Variants in NTN1 observed in about 807,000 individuals in gnomAD.
The protein encoded by NTN1 is netrin-1.
Under a neutral mutation model 54.2 loss-of-function variants are expected in NTN1, and 11 were observed. That is an observed-to-expected ratio of 0.20 (90% CI 0.13 to 0.34). The LOEUF is 0.34. Among genes scored for constraint, NTN1 ranks in the 10% least tolerant of loss-of-function variants. The pLI is 1.00. For synonymous variants in NTN1, 371 were observed against 382.0 expected, an observed-to-expected ratio of 0.97 and a Z score of 0.33; for missense variants, 740 against 893.1, an observed-to-expected ratio of 0.83 and a Z score of 2.18.
chr17:9,083,068 C>T (rs1352507354), intron 2 of NTN1, among the ~76,000 whole-genome samples: 1 of 151,850 alleles, frequency 6.6e-6, no homozygotes, highest in Non-Finnish European at 1.5e-5. Context: ...CGTGTTCTGC[C>T]ATTGGCCTTG....
At chr17:9,026,785 A>G (rs2091872653) in intron 2 of NTN1, among the ~76,000 whole-genome samples, 1 of 152,016 alleles carries the variant, frequency 6.6e-6, no homozygotes, top group African/African-American at 2.4e-5. Context: ...ATGACGAAGC[A>G]TGCTGTTTAA....
intron 2 of NTN1, among the ~76,000 whole-genome samples, chr17:9,096,366 C>CCTTT (rs55880198): frequency 0.068 from 6,134 of 90,856 alleles, 1,058 homozygotes; most frequent in Non-Finnish European, 0.1. Flanking sequence ...TATGGGTAGA[C>CCTTT]TTTTTTTTTT....
At chr17:9,093,010 G>A (rs1327952483) in intron 2 of NTN1, among the ~76,000 whole-genome samples, 35 of 152,074 alleles carry the variant, frequency 2.3e-4, no homozygotes, top group Non-Finnish European at 4.4e-5. Context: ...CGCCCGCCTC[G>A]GCCTCCCAAA....
chr17:9,022,714 C>T lies in NTN1; in HGVS notation c.341C>T (p.Pro114Leu), dbSNP rs777691583. ...PPAFLTDLNNPHNLTCWQSEN... is the reference protein window; with the variant it reads ...PPAFLTDLNNLHNLTCWQSEN... ...GCCTTCCTCACCGACCTCAACAACCCGCACAACCTGACGTGCTGGCAGTCC... is the reference window on the plus strand; with the variant it reads ...GCCTTCCTCACCGACCTCAACAACCTGCACAACCTGACGTGCTGGCAGTCC... Residue 114 changes from proline to leucine, a missense_variant, in exon 2 of 7, where the codon CCG becomes CTG. Physicochemically the swap from Pro to Leu is moderately conservative, Grantham distance 98 (BLOSUM62 -3). Transcript: ENST00000173229. 2 of 1,603,238 alleles carry T rather than the reference C, an allele frequency of 1.2e-6. No homozygotes were observed. Among genetic ancestry groups the T allele is most frequent in the Admixed American group, 1.7e-5 (1 of 59,032 alleles).
chr17:9,024,492 G>A (rs2091863785), intron 2 of NTN1, among the ~76,000 whole-genome samples: 1 of 152,198 alleles, frequency 6.6e-6, no homozygotes, highest in African/African-American at 2.4e-5. Flanking sequence ...GCCAGTGTGA[G>A]GCTCTTCAAT....
intron 2 of NTN1, among the ~76,000 whole-genome samples, chr17:9,119,855 T>G (rs1391950207): frequency 6.6e-6 from 1 of 152,182 alleles, no homozygotes; most frequent in Non-Finnish European, 1.5e-5. Context: ...ATTGTGGTTT[T>G]GGTTTGCATT....
chr17:9,187,118 A>G (rs1441287471), intron 5 of NTN1, among the ~76,000 whole-genome samples: 1 of 152,196 alleles, frequency 6.6e-6, no homozygotes, highest in African/African-American at 2.4e-5. Context: ...CTTGATTAAA[A>G]AAACAATACA....
In NTN1 at chr17:9,179,884, G is replaced by A. The variant is rs1368135380; in HGVS notation, c.1285G>A (p.Val429Met). ...TTGQCPCKDG[V>M]TGITCNRCAK... Reference sequence around the variant, plus strand: ...CGGCCAGTGTCCCTGCAAGGACGGCGTGACGGGTATCACCTGCAACCGCTG... The same window carrying A: ...CGGCCAGTGTCCCTGCAAGGACGGCATGACGGGTATCACCTGCAACCGCTG... Residue 429 changes from valine to methionine, a missense_variant, in exon 4 of 7, where the codon GTG becomes ATG. Coordinates refer to ENST00000173229, the MANE Select transcript of NTN1 (RefSeq NM_004822.3). The A allele has an allele frequency of 1.2e-6, 2 of 1,614,074 alleles. No individual in the cohort carries two copies. Among genetic ancestry groups the A allele is most frequent in the East Asian group, 2.2e-5 (1 of 44,882 alleles).
chr17:9,210,452 A>ACC (rs879925657), intron 5 of NTN1, among the ~76,000 whole-genome samples: 1,157 of 26,152 alleles, frequency 0.044, 8 homozygotes, highest in Middle Eastern at 0.079. Flanking sequence ...ACCCACACAC[A>ACC]CACACACACA....
In NTN1 at chr17:9,022,608, G is replaced by A. The variant is rs745578628; in HGVS notation, c.235G>A (p.Val79Met). 35 of 1,550,660 alleles carry A rather than the reference G, an allele frequency of 2.3e-5. No individual in the cohort carries two copies. The African/African-American group carries it at 4.1e-4, about 18-fold the overall frequency. The change falls in exon 2 of 7, where the codon GTG (valine) becomes ATG (methionine). Residue 79 changes from valine to methionine, a missense_variant. Val to Met is a conservative substitution (Grantham distance 21, BLOSUM62 1). Transcript: ENST00000173229. The stretch of plus-strand genomic sequence containing the variant: ...CGGCCGGCCCCCGGCGCGCTACTGC[G>A]TGGTGAGCGAGCGCGGCGAGGAGCG... Reference protein sequence around the residue: ...TCGRPPARYCVVSERGEERLR... With the variant: ...TCGRPPARYCMVSERGEERLR...
intron 6 of NTN1, among the ~76,000 whole-genome samples, chr17:9,237,317 C>T (rs1158279857): frequency 6.6e-6 from 1 of 152,174 alleles, no homozygotes; most frequent in Non-Finnish European, 1.5e-5. Context: ...CTCATCTCCT[C>T]TTACAAGGAC....
intron 6 of NTN1, among the ~76,000 whole-genome samples, chr17:9,230,652 C>T (rs895714283): frequency 6.7e-6 from 1 of 148,332 alleles, no homozygotes; most frequent in Admixed American, 6.8e-5. Context: ...TGCTGTGATG[C>T]TGGGGTCTCC....
chr17:9,110,867 T>C (rs2142251132), intron 2 of NTN1, among the ~76,000 whole-genome samples: 1 of 151,860 alleles, frequency 6.6e-6, no homozygotes, highest in South Asian at 2.1e-4. Context: ...TCTTCTCCTC[T>C]GCATGTGTCT....
intron 2 of NTN1, among the ~76,000 whole-genome samples, chr17:9,160,904 C>G (rs935437464): frequency 6.6e-6 from 1 of 152,054 alleles, no homozygotes; most frequent in Non-Finnish European, 1.5e-5. Context: ...TCTCAGTGAG[C>G]CAAGATCTGT....
chr17:9,105,903 G>C (rs562170352), intron 2 of NTN1, among the ~76,000 whole-genome samples: 1 of 151,922 alleles, frequency 6.6e-6, no homozygotes, highest in Admixed American at 6.6e-5. Context: ...ACACACCCTG[G>C]TATTCCGATT....
At chr17:9,138,648 C>T (rs1055697649) in intron 2 of NTN1, among the ~76,000 whole-genome samples, 18 of 152,150 alleles carry the variant, frequency 1.2e-4, no homozygotes, top group Admixed American at 9.8e-4. Context: ...AGCCGCGTGC[C>T]GGGTACCGCG....
chr17:9,209,551 C>G (rs560031838), intron 5 of NTN1, among the ~76,000 whole-genome samples: 1 of 152,300 alleles, frequency 6.6e-6, no homozygotes, highest in Non-Finnish European at 1.5e-5. Context: ...AGGAGCCTGC[C>G]TCTGCCCCTG....
At position 9,221,322 on chromosome 17, in the gene NTN1, GC is replaced by G; in HGVS notation, c.1486+85del. 1 of 1,076,286 alleles carries G rather than the reference GC, an allele frequency of 9.3e-7. No individual in the cohort carries two copies. The highest frequency in any genetic ancestry group is 2.4e-5 in the East Asian group (1 of 42,510). 66.7% of individuals were successfully genotyped at this position (1,076,286 alleles called of 1,614,324 possible). A position where few individuals can be genotyped will look rare whatever the true frequency, so the allele number is the denominator to read the frequency against. ...AGGTGCTGGGGCTGGGGTGCAGCTG[GC>G]CCCCGATGGGTGTTGGTCGTGAAGA... is the stretch of plus-strand genomic sequence containing the variant. On this transcript the variant is annotated intron_variant, in intron 6 of 6. Transcript: ENST00000173229. The surrounding 1 kb of genome is among the most constrained non-coding windows in gnomAD (Gnocchi z 4.5).
rs529193589 is a variant in NTN1, at chr17:9,214,834, A to G, written c.1412-6334A>G. ...GAGACTCCATCTCAAAAAGAAAATC[A>G]TTTTATTTGGTTATATTCCCCTTAA... On this transcript the variant is annotated intron_variant, in intron 5 of 6. Transcript: ENST00000173229. 2.4e-4 allele frequency among the ~76,000 whole-genome samples: 36 copies of G among 152,266 alleles called. 1 individual carries two copies. In the South Asian group the frequency reaches 7.3e-3, roughly 31 times the overall value.
Sources: allele counts gnomAD v4.1 joint callset (sites outside exome capture counted in the v4.1 genomes callset), GRCh38; gene constraint gnomAD v4.1.1; non-coding constraint Gnocchi (gnomAD v3.1); transcripts MANE v1.5; gene names NCBI Gene and HGNC (gene_info 2026-07-23, HGNC 2026-07-21).